Variants in ZNF227 observed in about 807,000 individuals in gnomAD.
ZNF227 encodes zinc finger protein 227.
In ZNF227, 12 loss-of-function variants were observed where a neutral mutation model predicts 13.2. The ratio of observed to expected loss-of-function variants is 0.91; its 90% confidence interval spans 0.58 to 1.47. ZNF227 has a LOEUF of 1.47. Among genes scored for constraint, ZNF227 ranks in the 40% most tolerant of loss-of-function variants. The pLI is 0.00. For synonymous variants in ZNF227, 338 were observed against 326.0 expected, an observed-to-expected ratio of 1.04 and a Z score of -0.40; for missense variants, 885 against 967.5, an observed-to-expected ratio of 0.91 and a Z score of 1.13.
chr19:44,235,463 A>G lies in ZNF227; in HGVS notation c.1033A>G (p.Thr345Ala). 1.2e-6 allele frequency: 2 copies of G among 1,614,048 alleles called. No individual in the cohort carries two copies. Among genetic ancestry groups the G allele is most frequent in the Non-Finnish European group, 1.7e-6 (2 of 1,180,022 alleles). Residue 345 changes from threonine to alanine, a missense_variant, in exon 6 of 6, where the codon ACT becomes GCT. Coordinates refer to ENST00000313040, the MANE Select transcript of ZNF227 (RefSeq NM_182490.3). ...SSTGLIIHYRTHTGEKPYKCE... is the reference protein window; with the variant it reads ...SSTGLIIHYRAHTGEKPYKCE... The stretch of plus-strand genomic sequence containing the variant: ...CACGGGTCTTATCATTCATTACAGA[A>G]CTCATACTGGAGAGAAACCCTATAA...
In ZNF227 at chr19:44,236,529, G is replaced by A. The variant is rs1974525263; in HGVS notation, c.2099G>A (p.Ser700Asn). ...GAGTGTGGGAAAGGCTTTGGTAGGA[G>A]CTTGAATCTTCGCCATCATCAGAGG... ...CEECGKGFGRSLNLRHHQRVH... is the reference protein window; with the variant it reads ...CEECGKGFGRNLNLRHHQRVH... The change falls in exon 6 of 6, where the codon AGC (serine) becomes AAC (asparagine). Residue 700 changes from serine (S) to asparagine (N), a missense_variant. Transcript: ENST00000313040. 1 of 1,613,786 alleles carries A rather than the reference G, an allele frequency of 6.2e-7. No homozygotes were observed. The highest frequency in any genetic ancestry group is 1.3e-5 in the African/African-American group (1 of 74,834).
intron 3 of ZNF227, among the ~76,000 whole-genome samples, chr19:44,223,556 G>T (rs886611870): frequency 1.3e-5 from 2 of 152,154 alleles, no homozygotes; most frequent in Admixed American, 6.6e-5. Context: ...TTGCGTAGAG[G>T]TGTTTGTAGT....
rs746689231 is a variant in ZNF227 at position 44,234,952 on chromosome 19, C to A, written c.522C>A (p.Thr174=). The change falls in exon 6 of 6, where the codon ACC becomes ACA. Residue 174 remains threonine (T), a synonymous_variant. Transcript: ENST00000313040. ...ATCAAGAGTTTCCATTTTGGAGAACCCAGCATTCTTGCGGGAATACATATC... is the reference window on the plus strand; with the variant it reads ...ATCAAGAGTTTCCATTTTGGAGAACACAGCATTCTTGCGGGAATACATATC... ...IENQEFPFWR[T]QHSCGNTYLS... is the part of the protein sequence containing the mutation. 6.2e-6 allele frequency: 10 copies of A among 1,613,762 alleles called. No homozygotes were observed. The East Asian group carries it at 2.0e-4, about 32-fold the overall frequency.
intron 4 of ZNF227, 35 bp from the exon 5 acceptor site, chr19:44,229,698 T>C (rs917966874): frequency 1.4e-6 from 2 of 1,468,224 alleles, no homozygotes; most frequent in African/African-American, 1.4e-5. Flanking sequence ...AGTTGTGTGT[T>C]CATCTTAAAT....
In ZNF227 at chr19:44,235,342, T is replaced by C. The variant is rs201841414; in HGVS notation, c.912T>C (p.Asp304=). The C allele has an allele frequency of 1.1e-4, 184 of 1,614,082 alleles. No homozygotes were observed. Among genetic ancestry groups the C allele is most frequent in the Non-Finnish European group, 1.5e-4 (177 of 1,180,044 alleles). The change falls in exon 6 of 6, where the codon GAT becomes GAC. Residue 304 remains aspartate, a synonymous_variant. Coordinates refer to ENST00000313040, the MANE Select transcript of ZNF227 (RefSeq NM_182490.3). ...TCAATAGATGTCATGAATCTGGTGA[T>C]TGCTTCAATAAGAGCTCTTTTCATT... ...EKLNRCHESG[D]CFNKSSFHSY... is the part of the protein sequence containing the mutation.
chr19:44,236,885 C>T lies in ZNF227; in HGVS notation c.*55C>T. The T allele has an allele frequency of 7.0e-7, 1 of 1,435,854 alleles. No individual in the cohort carries two copies. Among genetic ancestry groups the T allele is most frequent in the Non-Finnish European group, 9.4e-7 (1 of 1,065,416 alleles). The allele number at this position is 1,435,854 out of a possible 1,614,324, so 88.9% of individuals were successfully genotyped here. On this transcript the variant is annotated 3_prime_UTR_variant, in exon 6 of 6. Transcript: ENST00000313040. ...TGAATGCACATCTTCAAGTTTTTGGCTAGTCCATGCTGGTGGTAAACCCTG... is the reference window on the plus strand; with the variant it reads ...TGAATGCACATCTTCAAGTTTTTGGTTAGTCCATGCTGGTGGTAAACCCTG...
intron 3 of ZNF227, among the ~76,000 whole-genome samples, chr19:44,226,400 G>T (rs10425146): frequency 0.14 from 20,563 of 152,210 alleles, 3,498 homozygotes; most frequent in African/African-American, 0.39. Context: ...AGGCAGGCAG[G>T]CCTCCTTGAG....
Position 44,214,923 on chromosome 19 carries a change from C to G in ZNF227, c.-3+1679C>G, listed in dbSNP as rs80023386. On this transcript the variant is annotated intron_variant, in intron 2 of 5. Transcript: ENST00000313040. Reference sequence around the variant, plus strand: ...GGTGATTGGAGGGGTACCGCCTGAGCTCTGCCTCCTGCCAGATCAGCAGGG... The same window carrying G: ...GGTGATTGGAGGGGTACCGCCTGAGGTCTGCCTCCTGCCAGATCAGCAGGG... Among the ~76,000 whole-genome samples, 1,225 of 152,082 alleles carry G rather than the reference C, an allele frequency of 8.1e-3. 21 individuals are homozygous for G. The highest frequency in any genetic ancestry group is 0.028 in the African/African-American group (1,153 of 41,478).
At chr19:44,222,105 C>G (rs1972583907) in intron 3 of ZNF227, among the ~76,000 whole-genome samples, 2 of 151,950 alleles carry the variant, frequency 1.3e-5, no homozygotes, top group African/African-American at 2.4e-5. Context: ...GGGCTCTGTT[C>G]TGTTCCATTG....
rs199916053 is a variant in ZNF227 at position 44,235,329 on chromosome 19, A to G, written c.899A>G (p.His300Arg). 313 of 1,614,106 alleles carry G rather than the reference A, an allele frequency of 1.9e-4. 2 individuals are homozygous for G. The Admixed American group carries it at 5.0e-3, about 26-fold the overall frequency. The change falls in exon 6 of 6, where the codon CAT (histidine) becomes CGT (arginine). Residue 300 changes from histidine (H) to arginine (R), a missense_variant. Coordinates refer to ENST00000313040, the MANE Select transcript of ZNF227 (RefSeq NM_182490.3). ...CCAGGAGAGAAACTCAATAGATGTC[A>G]TGAATCTGGTGATTGCTTCAATAAG... ...IHPGEKLNRC[H>R]ESGDCFNKSS...
chr19:44,234,565 A>G (rs1017191092), intron 5 of ZNF227, 137 bp from the exon 6 acceptor site: 6 of 764,794 alleles, frequency 7.8e-6, no homozygotes, highest in Non-Finnish European at 1.2e-5. Flanking sequence ...AGAATACACG[A>G]TGCTGTAAGG....
rs1299819286 is a variant in ZNF227 at position 44,212,561 on chromosome 19, C to A, written c.-182C>A. 6.6e-6 allele frequency: 1 copy of A among 152,154 alleles called. No homozygotes were observed. The highest frequency in any genetic ancestry group is 1.5e-5 in the Non-Finnish European group (1 of 68,146). The allele number at this position is 152,154 out of a possible 1,614,324, so 9.4% of individuals were successfully genotyped here. A position where few individuals can be genotyped will look rare whatever the true frequency, so the allele number is the denominator to read the frequency against. On this transcript the variant is annotated 5_prime_UTR_variant, in exon 1 of 6. Transcript: ENST00000313040. ...CCACTTCCGCCCCGGAAAGCGAGGC[C>A]GCCACCATCTTTTGGGTCCGGGAGG...
rs1568617225 is a variant in ZNF227 at position 44,235,415 on chromosome 19, T to TA, written c.985_986insA (p.Cys329Ter). Residue 329 changes from cysteine to a stop codon, truncating the protein, a stop_gained and frameshift_variant, in exon 6 of 6, where the codon TGC becomes TAGC. Coordinates refer to ENST00000313040, the MANE Select transcript of ZNF227 (RefSeq NM_182490.3). LOFTEE classifies it low-confidence loss of function (END_TRUNC). ...AGAGAAGTCTTATAGATGCGACAGTTGCGGCAAGGGATTCAGTAGCAGCAC... is the reference window on the plus strand; with the variant it reads ...AGAGAAGTCTTATAGATGCGACAGTTAGCGGCAAGGGATTCAGTAGCAGCAC... ...TGEKSYRCDS[C>*]GKGFSSSTGL... The TA allele has an allele frequency of 5.6e-6, 9 of 1,614,134 alleles. No individual in the cohort carries two copies. The highest frequency in any genetic ancestry group is 6.8e-6 in the Non-Finnish European group (8 of 1,180,026).
Position 44,217,937 on chromosome 19 carries a change from GT to G in ZNF227, c.60+87del, listed in dbSNP as rs1258966208. On this transcript the variant is annotated intron_variant, in intron 3 of 5. Transcript: ENST00000313040. ...TTTATTTTTTCTCTTTCTTGGAAAGGTTAGTGGGAAACAGATATTCAGGACA... is the reference window on the plus strand; with the variant it reads ...TTTATTTTTTCTCTTTCTTGGAAAGGTAGTGGGAAACAGATATTCAGGACA... 3.3e-6 allele frequency: 5 copies of G among 1,511,434 alleles called. No homozygotes were observed. The East Asian group carries it at 9.0e-5, about 27-fold the overall frequency. 93.6% of individuals were successfully genotyped at this position (1,511,434 alleles called of 1,614,324 possible).
rs746561181 is a variant in ZNF227 at position 44,236,649 on chromosome 19, G to A, written c.2219G>A (p.Arg740Lys). 6.2e-7 allele frequency: 1 copy of A among 1,613,990 alleles called. No individual in the cohort carries two copies. The highest frequency in any genetic ancestry group is 1.1e-5 in the South Asian group (1 of 91,070). The change falls in exon 6 of 6, where the codon AGG becomes AAG. Residue 740 changes from arginine (R) to lysine (K), a missense_variant. Coordinates refer to ENST00000313040, the MANE Select transcript of ZNF227 (RefSeq NM_182490.3). ...CGAGTCCACCTGGGTGTTCACACCA[G>A]GGAAAAACTCTTTAAATGTGAAGAG... ...NLRVHLGVHTREKLFKCEECG... is the reference protein window; with the variant it reads ...NLRVHLGVHTKEKLFKCEECG...
At chr19:44,216,985 C>CA (rs1971958764) in intron 2 of ZNF227, among the ~76,000 whole-genome samples, 2 of 116,250 alleles carry the variant, frequency 1.7e-5, no homozygotes, top group African/African-American at 6.8e-5. Flanking sequence ...TTTTTTGAGA[C>CA]AGAGTCTCAC....
In ZNF227 at chr19:44,235,468, T is replaced by C. The variant is rs755414551; in HGVS notation, c.1038T>C (p.His346=). ...STGLIIHYRT[H]TGEKPYKCEE... ...GTCTTATCATTCATTACAGAACTCA[T>C]ACTGGAGAGAAACCCTATAAATGCG... Residue 346 remains histidine, a synonymous_variant, in exon 6 of 6, where the codon CAT becomes CAC. Transcript: ENST00000313040. 1.9e-6 allele frequency: 3 copies of C among 1,613,992 alleles called. No individual in the cohort carries two copies. The highest frequency in any genetic ancestry group is 1.7e-6 in the Non-Finnish European group (2 of 1,180,040).
intron 3 of ZNF227, chr19:44,227,446 G>GC (rs1266278181): frequency 2.0e-5 from 3 of 152,068 alleles, no homozygotes; most frequent in Non-Finnish European, 2.9e-5. Context: ...CGGGGTTTCA[G>GC]CATCTTAGCC....
rs1974272938 is a variant in ZNF227 at position 44,234,981 on chromosome 19, G to A, written c.551G>A (p.Ser184Asn). ...TQHSCGNTYL[S>N]ESQIQSRGKQ... is the part of the protein sequence containing the mutation. The stretch of plus-strand genomic sequence containing the variant: ...CATTCTTGCGGGAATACATATCTGA[G>A]TGAGTCACAGATTCAGAGTAGAGGT... Residue 184 changes from serine (S) to asparagine (N), a missense_variant, in exon 6 of 6, where the codon AGT becomes AAT. Transcript: ENST00000313040. The A allele has an allele frequency of 1.9e-6, 3 of 1,613,990 alleles. No individual in the cohort carries two copies. The highest frequency in any genetic ancestry group is 2.5e-6 in the Non-Finnish European group (3 of 1,180,024).
Sources: gnomAD v4.1 joint callset for allele counts (sites outside exome capture counted in the v4.1 genomes callset) on GRCh38, gnomAD v4.1.1 for gene constraint, MANE v1.5 for transcripts, NCBI Gene and HGNC (gene_info 2026-07-23, HGNC 2026-07-21) for gene names.